KLHL35: variants seen among roughly 807,000 people sequenced by gnomAD.
KLHL35 encodes kelch-like protein 35.
A neutral mutation model predicts 44.0 loss-of-function variants in KLHL35; 50 were observed. The ratio of observed to expected loss-of-function variants is 1.14; its 90% confidence interval spans 0.91 to 1.44. KLHL35 has a LOEUF of 1.44. KLHL35 is among the 40% of genes most tolerant of loss of function. The probability of loss-of-function intolerance (pLI) is 0.00; values close to 1 mark genes in which losing one functional copy is unlikely to be tolerated. For missense variants in KLHL35, 1,049 were observed against 887.8 expected (o/e 1.18, Z -2.31); for synonymous variants, 470 against 410.4 (o/e 1.15, Z -1.76).
intron 2 of KLHL35, 79 bp from the exon 3 acceptor site, chr11:75,428,705 G>A: frequency 7.9e-7 from 1 of 1,263,616 alleles, no homozygotes; most frequent in South Asian, 1.5e-5. Flanking sequence ...CACACTGCAC[G>A]GTCCCGCTGC....
In KLHL35 at chr11:75,430,549, CA is replaced by C. The variant is rs1948528574; in HGVS notation, c.80del (p.Val27GlyfsTer5). 1 of 1,457,800 alleles carries C rather than the reference CA, an allele frequency of 6.9e-7. No individual in the cohort carries two copies. Among genetic ancestry groups the C allele is most frequent in the Non-Finnish European group, 9.0e-7 (1 of 1,110,316 alleles). The allele number at this position is 1,457,800 out of a possible 1,614,324, so 90.3% of individuals were successfully genotyped here. ...PCAGPCHAQR[V>X]LQALNAYRRS... ...GCCGGTAGGCGTTCAGGGCCTGCAGCACGCGCTGCGCGTGGCACGGACCCGC... is the reference window on the plus strand; with the variant it reads ...GCCGGTAGGCGTTCAGGGCCTGCAGCCGCGCTGCGCGTGGCACGGACCCGC... On this transcript the variant is annotated frameshift_variant, in exon 2 of 7. Coordinates refer to ENST00000539798, the MANE Select transcript of KLHL35 (RefSeq NM_001039548.3). LOFTEE classifies it high-confidence loss of function.
At chr11:75,427,370 A>T (rs1948500688) in intron 3 of KLHL35, among the ~76,000 whole-genome samples, 1 of 151,982 alleles carries the variant, frequency 6.6e-6, no homozygotes, top group Non-Finnish European at 1.5e-5. Flanking sequence ...TTGGCCAGGG[A>T]TTCACCTCTC....
intron 6 of KLHL35, 177 bp from the exon 7 acceptor site, chr11:75,422,945 G>A: frequency 1.6e-6 from 1 of 608,584 alleles, no homozygotes; most frequent in Non-Finnish European, 2.9e-6. Flanking sequence ...CCCTTATTCA[G>A]TGAATGGCGT....
intron 2 of KLHL35, among the ~76,000 whole-genome samples, chr11:75,429,223 T>C (rs771318813): frequency 6.6e-6 from 1 of 152,228 alleles, no homozygotes; most frequent in Non-Finnish European, 1.5e-5. Context: ...CATACCCTTT[T>C]AGCCATTGGT....
At chr11:75,432,634 C>T (rs1948546948) in intron 1 of KLHL35, among the ~76,000 whole-genome samples, 1 of 152,118 alleles carries the variant, frequency 6.6e-6, no homozygotes, top group African/African-American at 2.4e-5. Flanking sequence ...GAAAGAGTCC[C>T]CTCCTAGGAA....
rs554152106 is a variant in KLHL35, at chr11:75,430,846, C to T, written c.-1-216G>A. 3.9e-5 allele frequency among the ~76,000 whole-genome samples: 6 copies of T among 152,228 alleles called. No individual in the cohort carries two copies. The East Asian group carries it at 9.6e-4, about 24-fold the overall frequency. On this transcript the variant is annotated intron_variant, in intron 1 of 6. Coordinates refer to ENST00000539798, the MANE Select transcript of KLHL35 (RefSeq NM_001039548.3). ...ACCCACTCAGACACAGTGCCCTTTT[C>T]GGTTCTTCAAACTTGCTAAGCGTTT...
intron 6 of KLHL35, chr11:75,423,321 T>C (rs1437728783): frequency 9.1e-6 from 2 of 219,520 alleles, no homozygotes; most frequent in Non-Finnish European, 9.1e-6. Flanking sequence ...TGCTCTGATA[T>C]CACTAGAGCA....
chr11:75,426,644 G>A lies in KLHL35; in HGVS notation c.1067-6C>T, dbSNP rs1209178289. The A allele has an allele frequency of 6.4e-7, 1 of 1,570,196 alleles. No homozygotes were observed. Among genetic ancestry groups the A allele is most frequent in the Non-Finnish European group, 8.6e-7 (1 of 1,156,656 alleles). On this transcript the variant is annotated splice_region_variant and splice_polypyrimidine_tract_variant and intron_variant, in intron 3 of 6. Coordinates refer to ENST00000539798, the MANE Select transcript of KLHL35 (RefSeq NM_001039548.3). The stretch of plus-strand genomic sequence containing the variant: ...ATGACTGTTGATGTGGCCTCCTAGG[G>A]AGAGAGAAGCAGCTGTTGCCCATCG...
rs768010302 is a variant in KLHL35 at position 75,428,424 on chromosome 11, T to G, written c.1066+18A>C. On this transcript the variant is annotated intron_variant, in intron 3 of 6. Transcript: ENST00000539798. ...CTAGTCAATCCCGTGTGAGCTCCCGTTGCGGCTCCGCCCTCACCGGAGACG... is the reference window on the plus strand; with the variant it reads ...CTAGTCAATCCCGTGTGAGCTCCCGGTGCGGCTCCGCCCTCACCGGAGACG... 2.5e-6 allele frequency: 4 copies of G among 1,611,562 alleles called. No individual in the cohort carries two copies. In the South Asian group the frequency reaches 4.4e-5, roughly 18 times the overall value.
In KLHL35 at chr11:75,428,694, C is replaced by G. The variant is rs1223629439; in HGVS notation, c.882-68G>C. 12 of 1,346,548 alleles carry G rather than the reference C, an allele frequency of 8.9e-6. No individual in the cohort carries two copies. In the African/African-American group the frequency reaches 1.5e-4, roughly 16 times the overall value. 83.4% of individuals were successfully genotyped at this position (1,346,548 alleles called of 1,614,324 possible). A position where few individuals can be genotyped will look rare whatever the true frequency, so the allele number is the denominator to read the frequency against. ...GTTCGGCCCTCTCTTACCCTCTCGA[C>G]CACACTGCACGGTCCCGCTGCCCTT... On this transcript the variant is annotated intron_variant, in intron 2 of 6. Coordinates refer to ENST00000539798, the MANE Select transcript of KLHL35 (RefSeq NM_001039548.3).
rs192553783 is a variant in KLHL35 at position 75,429,039 on chromosome 11, T to C, written c.882-413A>G. ...GAGCTGGAATTCAAGCCCAGGTTTG[T>C]CTGTCGCTAACTCATCTTCAACACC... On this transcript the variant is annotated intron_variant, in intron 2 of 6. Coordinates refer to ENST00000539798, the MANE Select transcript of KLHL35 (RefSeq NM_001039548.3). 4.3e-4 allele frequency among the ~76,000 whole-genome samples: 65 copies of C among 152,326 alleles called. No homozygotes were observed. In the East Asian group the frequency reaches 8.3e-3, roughly 19 times the overall value.
chr11:75,426,115 C>T (rs939268162), intron 4 of KLHL35: 8 of 160,322 alleles, frequency 5.0e-5, no homozygotes, highest in South Asian at 3.6e-4. Context: ...GCCACCACGC[C>T]GAGCTAATTT....
chr11:75,430,075 C>A lies in KLHL35; in HGVS notation c.555G>T (p.Val185=). The A allele has an allele frequency of 7.2e-7, 1 of 1,389,444 alleles. No individual in the cohort carries two copies. The highest frequency in any genetic ancestry group is 3.1e-5 in the Admixed American group (1 of 32,398). The allele number at this position is 1,389,444 out of a possible 1,614,324, so 86.1% of individuals were successfully genotyped here. ...GRVLRQAFAE[V]ARHADFLELA... The stretch of plus-strand genomic sequence containing the variant: ...GCTCCAGGAAGTCGGCGTGGCGCGC[C>A]ACCTCGGCGAAGGCCTGACGCAGGA... The change falls in exon 2 of 7, where the codon GTG becomes GTT. Residue 185 remains valine (V), a synonymous_variant. Coordinates refer to ENST00000539798, the MANE Select transcript of KLHL35 (RefSeq NM_001039548.3).
In KLHL35 at chr11:75,428,422, C is replaced by T. The variant is rs774758222; in HGVS notation, c.1066+20G>A. On this transcript the variant is annotated intron_variant, in intron 3 of 6. Coordinates refer to ENST00000539798, the MANE Select transcript of KLHL35 (RefSeq NM_001039548.3). ...TACTAGTCAATCCCGTGTGAGCTCC[C>T]GTTGCGGCTCCGCCCTCACCGGAGA... is the stretch of plus-strand genomic sequence containing the variant. The T allele has an allele frequency of 5.0e-6, 8 of 1,611,310 alleles. No homozygotes were observed. Among genetic ancestry groups the T allele is most frequent in the South Asian group, 2.2e-5 (2 of 91,024 alleles).
At chr11:75,429,407 A>G (rs1454487188) in intron 2 of KLHL35, among the ~76,000 whole-genome samples, 1 of 152,130 alleles carries the variant, frequency 6.6e-6, no homozygotes, top group Non-Finnish European at 1.5e-5. Context: ...GCCCCTGCCT[A>G]TTTCTATCCC....
At position 75,422,520 on chromosome 11, in the gene KLHL35, A is replaced by T. The variant is rs899011028; in HGVS notation, c.*60T>A. Reference sequence around the variant, plus strand: ...GCGTGGAGGTGCCATGAGGGAGCAGAGTGTGCATCTGAGCTCCGCCTGCCT... The same window carrying T: ...GCGTGGAGGTGCCATGAGGGAGCAGTGTGTGCATCTGAGCTCCGCCTGCCT... On this transcript the variant is annotated 3_prime_UTR_variant, in exon 7 of 7. Coordinates refer to ENST00000539798, the MANE Select transcript of KLHL35 (RefSeq NM_001039548.3). The T allele has an allele frequency of 2.0e-6, 3 of 1,505,650 alleles. No individual in the cohort carries two copies. The East Asian group carries it at 6.9e-5, about 34-fold the overall frequency. The allele number at this position is 1,505,650 out of a possible 1,614,324, so 93.3% of individuals were successfully genotyped here.
intron 3 of KLHL35, among the ~76,000 whole-genome samples, chr11:75,427,127 A>G (rs1948498933): frequency 6.6e-6 from 1 of 152,162 alleles, no homozygotes; most frequent in Non-Finnish European, 1.5e-5. Context: ...TCATCCCTCC[A>G]TGAGGTGTTG....
chr11:75,430,663 A>G, intron 1 of KLHL35, 33 bp from the exon 2 acceptor site: 1 of 1,316,936 alleles, frequency 7.6e-7, no homozygotes. Context: ...AGCGTCGGGG[A>G]AGCCACCTGG....
At position 75,430,282 on chromosome 11, in the gene KLHL35, C is replaced by T; in HGVS notation, c.348G>A (p.Arg116=). The change falls in exon 2 of 7, where the codon CGG becomes CGA. Residue 116 remains arginine, a synonymous_variant. Transcript: ENST00000539798. ...CCGCCGCCTCGTCCTCCGCGCGCAG[C>T]CGCACGCCCGCTCCGTACACGTAGT... is the stretch of plus-strand genomic sequence containing the variant. ...VLDYVYGAGV[R]LRAEDEAAAV... The T allele has an allele frequency of 8.3e-7, 1 of 1,209,326 alleles. No homozygotes were observed. Among genetic ancestry groups the T allele is most frequent in the South Asian group, 3.0e-5 (1 of 33,468 alleles). 74.9% of individuals were successfully genotyped at this position (1,209,326 alleles called of 1,614,324 possible). A position where few individuals can be genotyped will look rare whatever the true frequency, so the allele number is the denominator to read the frequency against.
Sources: allele counts gnomAD v4.1 joint callset (sites outside exome capture counted in the v4.1 genomes callset), GRCh38; gene constraint gnomAD v4.1.1; transcripts MANE v1.5; gene names NCBI Gene and HGNC (gene_info 2026-07-23, HGNC 2026-07-21).